Variants in SNX24 observed in about 807,000 individuals in gnomAD.
SNX24 encodes sorting nexin 24.
In SNX24, 22 loss-of-function variants were observed where a neutral mutation model predicts 28.7. The observed-to-expected ratio is 0.77, with a 90% confidence interval of 0.55 to 1.10. SNX24 has a LOEUF of 1.10. Among genes scored for constraint, SNX24 ranks in the 50% least tolerant of loss-of-function variants. SNX24 has a pLI of 0.00. For missense variants in SNX24, 221 were observed against 201.1 expected (o/e 1.10, Z -0.60); for synonymous variants, 69 against 71.5 (o/e 0.96, Z 0.18).
At chr5:122,993,722 C>A (rs1469828987) in intron 3 of SNX24, among the ~76,000 whole-genome samples, 2 of 152,124 alleles carry the variant, frequency 1.3e-5, no homozygotes, top group East Asian at 3.9e-4. Context: ...TCTGTGAGCT[C>A]TTAGGTTTGG....
intron 1 of SNX24, among the ~76,000 whole-genome samples, chr5:122,868,762 G>A (rs1028459270): frequency 5.9e-5 from 9 of 151,964 alleles, no homozygotes; most frequent in African/African-American, 1.9e-4. Flanking sequence ...CTCACATTAT[G>A]AATCATAATG....
rs115613926 is a variant in SNX24 at position 122,953,649 on chromosome 5, C to T, written c.249+7490C>T. ...GTAGAAACATTAACTTGTAAACTGG[C>T]GTAATATTTAGACAAAGGTTTTTCA... On this transcript the variant is annotated intron_variant, in intron 3 of 6. Transcript: ENST00000261369. Among the ~76,000 whole-genome samples, 851 of 152,124 alleles carry T rather than the reference C, an allele frequency of 5.6e-3. 11 individuals are homozygous for T. The highest frequency in any genetic ancestry group is 0.019 in the African/African-American group (776 of 41,502).
intron 3 of SNX24, among the ~76,000 whole-genome samples, chr5:122,953,887 A>G (rs928432404): frequency 1.3e-5 from 2 of 152,218 alleles, no homozygotes; most frequent in African/African-American, 4.8e-5. Flanking sequence ...CTAATAATAC[A>G]AATCCTTTTT....
At chr5:122,940,853 G>A (rs765423320) in intron 2 of SNX24, among the ~76,000 whole-genome samples, 19 of 152,306 alleles carry the variant, frequency 1.2e-4, no homozygotes, top group Admixed American at 3.3e-4. Flanking sequence ...GATTACAGGC[G>A]TGAGCCACTA....
chr5:122,928,620 T>TG (rs1398549779), intron 1 of SNX24, among the ~76,000 whole-genome samples: 1 of 151,708 alleles, frequency 6.6e-6, no homozygotes, highest in Non-Finnish European at 1.5e-5. Flanking sequence ...AGCAAAAAGG[T>TG]GGGGGCCTCA....
chr5:122,939,722 A>G (rs1311092747), intron 2 of SNX24, among the ~76,000 whole-genome samples: 1 of 152,214 alleles, frequency 6.6e-6, no homozygotes, highest in East Asian at 1.9e-4. Flanking sequence ...GCAACACCCT[A>G]GATGTACTGA....
At chr5:122,936,667 A>G in intron 1 of SNX24, 67 bp from the exon 2 acceptor site, 1 of 950,590 alleles carries the variant, frequency 1.1e-6, no homozygotes, top group Non-Finnish European at 1.7e-6. Context: ...CATGGTCACA[A>G]ACTTACCACA....
intron 1 of SNX24, among the ~76,000 whole-genome samples, chr5:122,867,085 T>C (rs1296672167): frequency 1.3e-5 from 2 of 152,178 alleles, no homozygotes; most frequent in African/African-American, 4.8e-5. Context: ...ATTGAGAGCA[T>C]ATATAGCCTT....
chr5:122,873,064 T>G (rs538119944), intron 1 of SNX24, among the ~76,000 whole-genome samples: 2 of 152,240 alleles, frequency 1.3e-5, no homozygotes, highest in East Asian at 3.9e-4. Flanking sequence ...CCTTCCAGGC[T>G]TAATAGGTCC....
chr5:122,996,217 C>G (rs1000650588), intron 3 of SNX24, among the ~76,000 whole-genome samples: 14 of 152,178 alleles, frequency 9.2e-5, no homozygotes, highest in African/African-American at 3.4e-4. Flanking sequence ...CAGTGGGATT[C>G]TAATTGACAA....
chr5:122,885,328 G>A (rs937312931), intron 1 of SNX24, among the ~76,000 whole-genome samples: 28 of 152,226 alleles, frequency 1.8e-4, no homozygotes, highest in African/African-American at 6.7e-4. Flanking sequence ...AGCCAATGAG[G>A]TAGGGTGAGG....
intron 3 of SNX24, among the ~76,000 whole-genome samples, chr5:122,971,637 G>T (rs758459215): frequency 2.0e-5 from 3 of 152,040 alleles, no homozygotes; most frequent in Non-Finnish European, 4.4e-5. Context: ...ATGCTGATAA[G>T]AAATCCATTT....
intron 1 of SNX24, among the ~76,000 whole-genome samples, chr5:122,917,296 A>G (rs577323704): frequency 7.2e-4 from 110 of 152,042 alleles, no homozygotes; most frequent in Non-Finnish European, 1.3e-3. Context: ...CTGCTCCTCA[A>G]CATCTCTCCT....
At position 122,868,665 on chromosome 5, in the gene SNX24, TA is replaced by T. The variant is rs887116067; in HGVS notation, c.60+22973del. 5.9e-4 allele frequency among the ~76,000 whole-genome samples: 90 copies of T among 152,166 alleles called. 1 individual carries two copies. The highest frequency in any genetic ancestry group is 2.0e-3 in the African/African-American group (83 of 41,514). On this transcript the variant is annotated intron_variant, in intron 1 of 6. Coordinates refer to ENST00000261369, the MANE Select transcript of SNX24 (RefSeq NM_014035.4). ...CCATATTCTGGGACCCACTCAAAACTAGAATCTTTTCAAGTCACTTGATAAA... is the reference window on the plus strand; with the variant it reads ...CCATATTCTGGGACCCACTCAAAACTGAATCTTTTCAAGTCACTTGATAAA...
intron 1 of SNX24, among the ~76,000 whole-genome samples, chr5:122,851,693 A>G (rs1404705018): frequency 6.6e-6 from 1 of 152,160 alleles, no homozygotes; most frequent in Non-Finnish European, 1.5e-5. Context: ...TATTATGATC[A>G]TTATTATTTT....
chr5:122,947,411 TC>T (rs1244515028), intron 3 of SNX24, among the ~76,000 whole-genome samples: 1 of 152,154 alleles, frequency 6.6e-6, no homozygotes, highest in Non-Finnish European at 1.5e-5. Context: ...AGAATTCCGT[TC>T]CTGGCCCTTG....
At chr5:122,866,969 G>C (rs939917666) in intron 1 of SNX24, among the ~76,000 whole-genome samples, 1 of 152,122 alleles carries the variant, frequency 6.6e-6, no homozygotes. Context: ...TTTGCTAGTG[G>C]GTCACTGGGG....
At chr5:122,968,016 G>C (rs1760786554) in intron 3 of SNX24, among the ~76,000 whole-genome samples, 1 of 152,162 alleles carries the variant, frequency 6.6e-6, no homozygotes, top group South Asian at 2.1e-4. Flanking sequence ...ATTTGAACAT[G>C]GATGTTTTTA....
In SNX24 at chr5:122,867,995, A is replaced by G. The variant is rs1334750138; in HGVS notation, c.60+22302A>G. ...GCTTGAAGTTCTGTCCACAGGGAGG[A>G]TTTCTCTTCACCACTTTGCTTCAAA... On this transcript the variant is annotated intron_variant, in intron 1 of 6. Coordinates refer to ENST00000261369, the MANE Select transcript of SNX24 (RefSeq NM_014035.4). Among the ~76,000 whole-genome samples the G allele has an allele frequency of 2.6e-5, 4 of 152,158 alleles. No homozygotes were observed. The East Asian group carries it at 7.7e-4, about 29-fold the overall frequency.
Sources: gnomAD v4.1 joint callset for allele counts (sites outside exome capture counted in the v4.1 genomes callset) on GRCh38, gnomAD v4.1.1 for gene constraint, MANE v1.5 for transcripts, NCBI Gene and HGNC (gene_info 2026-07-23, HGNC 2026-07-21) for gene names.